The following COL19A1 variants were observed in gnomAD, a reference collection of about 807,000 sequenced individuals.
The protein encoded by COL19A1 is collagen alpha-1(XIX) chain.
A neutral mutation model predicts 190.2 loss-of-function variants in COL19A1; 159 were observed. The observed-to-expected ratio is 0.84, with a 90% CI of 0.73 to 0.95. The LOEUF (loss-of-function observed/expected upper bound fraction) is 0.95. Ranked by LOEUF, COL19A1 falls within the 40% of genes least tolerant of loss-of-function variation. The pLI, the probability that COL19A1 is intolerant of heterozygous loss-of-function variation, is 0.00. For missense variants in COL19A1, 1,418 were observed against 1,431.9 expected, an observed-to-expected ratio of 0.99 and a Z score of 0.16; for synonymous variants, 509 against 458.9, an observed-to-expected ratio of 1.11 and a Z score of -1.39.
intron 11 of COL19A1, among the ~76,000 whole-genome samples, chr6:69,995,228 G>A (rs1776837731): frequency 6.6e-6 from 1 of 152,148 alleles, no homozygotes. Context: ...CCAGGTGTTA[G>A]TATTTATAGA....
chr6:70,029,448 G>T (rs1778905461), intron 12 of COL19A1, among the ~76,000 whole-genome samples: 1 of 152,074 alleles, frequency 6.6e-6, no homozygotes, highest in Non-Finnish European at 1.5e-5. Flanking sequence ...TTATGTACAT[G>T]AATTTGATTG....
intron 17 of COL19A1, 44 bp from the exon 18 acceptor site, chr6:70,130,138 T>C (rs1785433397): frequency 6.2e-7 from 1 of 1,603,328 alleles, no homozygotes; most frequent in African/African-American, 1.3e-5. Flanking sequence ...TGTTAAAAAT[T>C]AGCGGATTTT....
intron 14 of COL19A1, among the ~76,000 whole-genome samples, chr6:70,044,180 G>A (rs553968121): frequency 3.3e-5 from 5 of 152,302 alleles, no homozygotes; most frequent in Admixed American, 3.3e-4. Flanking sequence ...TAAGAGGCAA[G>A]GGCTTGCTCT....
intron 19 of COL19A1, 38 bp downstream of exon 19, chr6:70,137,785 T>TA (rs775376041): frequency 4.7e-5 from 75 of 1,595,552 alleles, no homozygotes; most frequent in Non-Finnish European, 6.3e-5. Context: ...GAAGAATATC[T>TA]AAAAAACGGG....
At chr6:70,160,251 G>A (rs1162845099) in intron 34 of COL19A1, among the ~76,000 whole-genome samples, 1 of 152,028 alleles carries the variant, frequency 6.6e-6, no homozygotes, top group Non-Finnish European at 1.5e-5. Flanking sequence ...GCACCTTTAC[G>A]AGGCAGCAGG....
chr6:70,007,534 A>G (rs982958689), intron 11 of COL19A1, among the ~76,000 whole-genome samples: 1 of 152,072 alleles, frequency 6.6e-6, no homozygotes, highest in African/African-American at 2.4e-5. Context: ...AGATATAGCA[A>G]TTATTATTGT....
intron 11 of COL19A1, among the ~76,000 whole-genome samples, chr6:70,006,550 A>G (rs1181398978): frequency 6.6e-6 from 1 of 152,142 alleles, no homozygotes; most frequent in Non-Finnish European, 1.5e-5. Context: ...GTTCTTTTCT[A>G]TGGGAGCCTC....
chr6:70,158,993 A>T (rs1210918387), intron 34 of COL19A1, among the ~76,000 whole-genome samples: 1 of 152,072 alleles, frequency 6.6e-6, no homozygotes, highest in Non-Finnish European at 1.5e-5. Flanking sequence ...TTTCAGAGAA[A>T]GGCTGATGGG....
chr6:70,074,759 G>A (rs971954665), intron 15 of COL19A1, among the ~76,000 whole-genome samples: 4 of 147,436 alleles, frequency 2.7e-5, no homozygotes, highest in African/African-American at 1.1e-4. Flanking sequence ...CATTATAACA[G>A]GTGATATGAT....
At chr6:69,879,757 G>A (rs1024043434) in intron 2 of COL19A1, 99 bp downstream of exon 2, 18 of 976,446 alleles carry the variant, frequency 1.8e-5, no homozygotes, top group African/African-American at 4.9e-5. Context: ...ATAGATTAAT[G>A]TACTATAACA....
At chr6:70,077,694 G>C (rs1781960725) in intron 15 of COL19A1, among the ~76,000 whole-genome samples, 1 of 151,452 alleles carries the variant, frequency 6.6e-6, no homozygotes, top group Non-Finnish European at 1.5e-5. Flanking sequence ...ACTGTTGTTT[G>C]TATTTCTTAT....
chr6:69,971,901 C>T (rs1164302738), intron 11 of COL19A1, among the ~76,000 whole-genome samples: 1 of 152,178 alleles, frequency 6.6e-6, no homozygotes, highest in East Asian at 1.9e-4. Flanking sequence ...TGGTCAGATG[C>T]ATCTTTACAA....
At chr6:69,942,559 C>A (rs997829308) in intron 9 of COL19A1, among the ~76,000 whole-genome samples, 1 of 149,822 alleles carries the variant, frequency 6.7e-6, no homozygotes, top group Non-Finnish European at 1.5e-5. Context: ...AACCATTATT[C>A]TACTCTCTAC....
At chr6:70,041,094 C>A (rs1318151028) in intron 14 of COL19A1, among the ~76,000 whole-genome samples, 1 of 152,008 alleles carries the variant, frequency 6.6e-6, no homozygotes, top group Non-Finnish European at 1.5e-5. Flanking sequence ...ATTACACACA[C>A]AAAAAAGAAA....
chr6:70,121,285 A>G (rs1436109935), intron 16 of COL19A1, among the ~76,000 whole-genome samples: 1 of 152,050 alleles, frequency 6.6e-6, no homozygotes, highest in Non-Finnish European at 1.5e-5. Flanking sequence ...TTTCCTATCC[A>G]CTCCAAGCCC....
intron 27 of COL19A1, among the ~76,000 whole-genome samples, chr6:70,148,275 C>T (rs970643968): frequency 5.9e-5 from 9 of 151,848 alleles, no homozygotes; most frequent in South Asian, 2.1e-4. Flanking sequence ...AGGAGCCCAC[C>T]GAGAGTCACC....
rs369320895 is a variant in COL19A1, at chr6:70,058,467, T to G, written c.1171-9956T>G. Among the ~76,000 whole-genome samples, 565 of 152,164 alleles carry G rather than the reference T, an allele frequency of 3.7e-3. 11 individuals are homozygous for G. Among genetic ancestry groups the G allele is most frequent in the African/African-American group, 0.013 (535 of 41,562 alleles). On this transcript the variant is annotated intron_variant, in intron 14 of 50. Transcript: ENST00000620364. Reference sequence around the variant, plus strand: ...CTAGCACAGCTCTTCCTATTCTCTCTTATCAGTGCTTCCGGGGAGATTTGT... The same window carrying G: ...CTAGCACAGCTCTTCCTATTCTCTCGTATCAGTGCTTCCGGGGAGATTTGT...
At chr6:69,977,547 G>A (rs532819666) in intron 11 of COL19A1, among the ~76,000 whole-genome samples, 1 of 151,206 alleles carries the variant, frequency 6.6e-6, no homozygotes, top group Non-Finnish European at 1.5e-5. Context: ...TTGTGCACAT[G>A]TACCCTAAAA....
At chr6:69,967,440 C>T (rs527655767) in intron 11 of COL19A1, among the ~76,000 whole-genome samples, 1 of 152,266 alleles carries the variant, frequency 6.6e-6, no homozygotes, top group South Asian at 2.1e-4. Context: ...TGTGAGAGTC[C>T]ATGGTTGAGC....
Sources: gnomAD v4.1 joint callset for allele counts (sites outside exome capture counted in the v4.1 genomes callset) on GRCh38, gnomAD v4.1.1 for gene constraint, MANE v1.5 for transcripts, NCBI Gene and HGNC (gene_info 2026-07-23, HGNC 2026-07-21) for gene names.